The following SPATA6 variants were observed in gnomAD, a reference collection of about 807,000 sequenced individuals.
SPATA6 encodes spermatogenesis associated 6.
In SPATA6, 56 loss-of-function variants were observed where a neutral mutation model predicts 65.3. That is an observed-to-expected ratio of 0.86 (90% CI 0.69 to 1.07). SPATA6 has a LOEUF of 1.07. Among genes scored for constraint, SPATA6 ranks in the 50% least tolerant of loss-of-function variants. The probability of loss-of-function intolerance (pLI) is 0.00; values close to 1 mark genes in which losing one functional copy is unlikely to be tolerated. For missense variants in SPATA6, 590 were observed against 594.8 expected, an observed-to-expected ratio of 0.99 and a Z score of 0.08; for synonymous variants, 199 against 213.2, an observed-to-expected ratio of 0.93 and a Z score of 0.58.
intron 1 of SPATA6, among the ~76,000 whole-genome samples, chr1:48,453,743 G>C (rs1433174296): frequency 6.6e-6 from 1 of 152,088 alleles, no homozygotes; most frequent in Non-Finnish European, 1.5e-5. Flanking sequence ...AGCTCCCAGA[G>C]GGGAGGATTT....
chr1:48,361,136 T>C (rs529179097), intron 9 of SPATA6, among the ~76,000 whole-genome samples: 2 of 152,254 alleles, frequency 1.3e-5, no homozygotes, highest in South Asian at 4.1e-4. Context: ...TTTAGAGGTA[T>C]TGCACTGGGT....
intron 1 of SPATA6, among the ~76,000 whole-genome samples, chr1:48,464,811 G>T (rs1263108590): frequency 3.3e-5 from 5 of 152,018 alleles, no homozygotes; most frequent in Admixed American, 3.3e-4. Context: ...AGCAATCTGG[G>T]GTTCTGATAA....
intron 11 of SPATA6, among the ~76,000 whole-genome samples, chr1:48,336,425 C>T (rs901526238): frequency 6.6e-6 from 1 of 151,920 alleles, no homozygotes; most frequent in Admixed American, 6.6e-5. Context: ...GTGGTACATA[C>T]ATACCATGGA....
chr1:48,299,147 A>C (rs1262165213), intron 12 of SPATA6, among the ~76,000 whole-genome samples: 1 of 152,130 alleles, frequency 6.6e-6, no homozygotes, highest in Non-Finnish European at 1.5e-5. Context: ...TTCAGAGAAC[A>C]GACACAGGTA....
At chr1:48,269,105 G>T in the SPATA6 span, among the ~76,000 whole-genome samples, 1 of 152,046 alleles carries the variant, frequency 6.6e-6, no homozygotes, top group African/African-American at 2.4e-5. Flanking sequence ...AAATTTAAGA[G>T]CCATATCAAA....
chr1:48,427,094 T>A (rs551164638), intron 3 of SPATA6, among the ~76,000 whole-genome samples: 1 of 152,134 alleles, frequency 6.6e-6, no homozygotes, highest in African/African-American at 2.4e-5. Flanking sequence ...ACTGACTAAT[T>A]TTTAATTTTT....
intron 11 of SPATA6, among the ~76,000 whole-genome samples, chr1:48,354,792 CAA>C (rs1212251759): frequency 1.3e-5 from 2 of 151,740 alleles, no homozygotes; most frequent in Non-Finnish European, 1.5e-5. Context: ...TGGCAGGAAA[CAA>C]GAGGGGCTTC....
chr1:48,392,383 G>A (rs554203187), intron 8 of SPATA6, among the ~76,000 whole-genome samples: 9 of 152,088 alleles, frequency 5.9e-5, no homozygotes, highest in Non-Finnish European at 1.2e-4. Context: ...CAAATAACTA[G>A]ATAAAGCTTA....
chr1:48,435,282 C>A (rs1376328729), intron 3 of SPATA6, among the ~76,000 whole-genome samples: 2 of 152,202 alleles, frequency 1.3e-5, no homozygotes, highest in Non-Finnish European at 2.9e-5. Context: ...ATTGTAAATG[C>A]ACCAAGCAGC....
At chr1:48,410,482 A>G (rs2147976724) in intron 5 of SPATA6, among the ~76,000 whole-genome samples, 1 of 152,208 alleles carries the variant, frequency 6.6e-6, no homozygotes, top group East Asian at 1.9e-4. Flanking sequence ...TCACTTCCAC[A>G]TTCTCGGGTA....
chr1:48,314,635 C>T (rs559128986), intron 11 of SPATA6, among the ~76,000 whole-genome samples: 4 of 152,082 alleles, frequency 2.6e-5, no homozygotes, highest in South Asian at 4.2e-4. Context: ...AAAAGAACTA[C>T]AGAAGCAAGA....
chr1:48,451,409 A>G (rs1407239699), intron 3 of SPATA6, 143 bp downstream of exon 3: 1 of 566,712 alleles, frequency 1.8e-6, no homozygotes, highest in Admixed American at 3.8e-5. Context: ...GAAATTCTAA[A>G]AAGTATTAAA....
chr1:48,311,608 AG>A (rs1645211406), intron 11 of SPATA6, among the ~76,000 whole-genome samples: 1 of 152,240 alleles, frequency 6.6e-6, no homozygotes, highest in African/African-American at 2.4e-5. Context: ...ATAGCTGAAT[AG>A]GAACACCTCC....
intron 11 of SPATA6, among the ~76,000 whole-genome samples, chr1:48,311,276 C>T (rs909291932): frequency 7.9e-5 from 12 of 152,050 alleles, no homozygotes; most frequent in African/African-American, 2.9e-4. Flanking sequence ...AAAGTTGCTT[C>T]TTTGAAACCA....
At chr1:48,436,043 G>A (rs1654907546) in intron 3 of SPATA6, 1 of 1,609,234 alleles carries the variant, frequency 6.2e-7, no homozygotes, top group Non-Finnish European at 8.5e-7. Context: ...TCTGAAACCA[G>A]TATCCATCAA....
At chr1:48,445,440 A>G (rs139479765) in intron 3 of SPATA6, among the ~76,000 whole-genome samples, 1,920 of 152,150 alleles carry the variant, frequency 0.013, 46 homozygotes, top group African/African-American at 0.043. Flanking sequence ...AAGGCGGGTG[A>G]ATCACGAGGT....
chr1:48,393,463 G>A (rs921485781), intron 8 of SPATA6, among the ~76,000 whole-genome samples: 1 of 152,052 alleles, frequency 6.6e-6, no homozygotes, highest in Admixed American at 6.6e-5. Context: ...GAAAACAAAA[G>A]AGGCATGGCA....
At chr1:48,340,796 AGGGT>A (rs1263155831) in intron 11 of SPATA6, among the ~76,000 whole-genome samples, 1 of 152,160 alleles carries the variant, frequency 6.6e-6, no homozygotes, top group Non-Finnish European at 1.5e-5. Flanking sequence ...GGATACAAGA[AGGGT>A]GAAAGTAAAA....
the SPATA6 span, among the ~76,000 whole-genome samples, chr1:48,285,395 C>A: frequency 5.9e-5 from 9 of 151,564 alleles, no homozygotes; most frequent in South Asian, 1.0e-3. Context: ...TAAGCTAGAC[C>A]ACTTGGCTCC....
Sources: gnomAD v4.1 joint callset for allele counts (sites outside exome capture counted in the v4.1 genomes callset) on GRCh38, gnomAD v4.1.1 for gene constraint, MANE v1.5 for transcripts, NCBI Gene and HGNC (gene_info 2026-07-23, HGNC 2026-07-21) for gene names.